ATF7IP: variants seen among roughly 807,000 people sequenced by gnomAD.
The protein encoded by ATF7IP is activating transcription factor 7 interacting protein, also known as activating transcription factor 7-interacting protein 1.
ATF7IP carries 23 observed loss-of-function variants against 106.4 expected under a neutral mutation model. That is an observed-to-expected ratio of 0.22 (90% CI 0.16 to 0.31). ATF7IP has a LOEUF of 0.31. ATF7IP is among the 10% of genes least tolerant of loss of function. The pLI is 1.00. For synonymous variants in ATF7IP, 542 were observed against 539.0 expected (o/e 1.01, Z -0.08); for missense variants, 1,334 against 1,524.3 (o/e 0.88, Z 2.08).
At chr12:14,467,815 A>G (rs550151429) in intron 10 of ATF7IP, among the ~76,000 whole-genome samples, 7 of 132,180 alleles carry the variant, frequency 5.3e-5, no homozygotes, top group African/African-American at 2.0e-4. Context: ...AGCTATTTAA[A>G]TTAAATTAAA....
At chr12:14,413,105 G>A (rs1374993487) in intron 1 of ATF7IP, among the ~76,000 whole-genome samples, 2 of 152,166 alleles carry the variant, frequency 1.3e-5, no homozygotes, top group Non-Finnish European at 2.9e-5. Flanking sequence ...ACTAGAAATG[G>A]TGAGGGCAGA....
chr12:14,396,624 T>C (rs868692190), intron 1 of ATF7IP, among the ~76,000 whole-genome samples: 9 of 152,280 alleles, frequency 5.9e-5, no homozygotes, highest in Admixed American at 1.3e-4. Context: ...CATACACATC[T>C]GAAACAGTAG....
At chr12:14,473,239 C>G (rs1944120677) in intron 10 of ATF7IP, among the ~76,000 whole-genome samples, 1 of 147,028 alleles carries the variant, frequency 6.8e-6, no homozygotes, top group Non-Finnish European at 1.5e-5. Context: ...TTTTTTAAAG[C>G]ATTCTGTCTT....
At chr12:14,385,843 G>A (rs1398156535) in intron 1 of ATF7IP, among the ~76,000 whole-genome samples, 1 of 151,710 alleles carries the variant, frequency 6.6e-6, no homozygotes, top group African/African-American at 2.4e-5. Context: ...AAGCTTTTTG[G>A]AAAGAAGGGT....
chr12:14,438,168 G>A lies in ATF7IP; in HGVS notation c.1830G>A (p.Leu610=). The change falls in exon 5 of 15, where the codon CTG becomes CTA. Residue 610 remains leucine, a synonymous_variant. Transcript: ENST00000261168. ...TGCTGGAAGAAAAATTGTGTGCGCT[G>A]CAGTGTGCTGTATTTGATAAGACTT... ...QWLLEEKLCA[L]QCAVFDKTLA... is the part of the protein sequence containing the mutation. The A allele has an allele frequency of 6.2e-7, 1 of 1,613,310 alleles. No individual in the cohort carries two copies.
chr12:14,423,786 C>G lies in ATF7IP; in HGVS notation c.-7-123C>G, dbSNP rs543211907. 1.8e-5 allele frequency: 19 copies of G among 1,081,878 alleles called. No individual in the cohort carries two copies. In the East Asian group the frequency reaches 3.9e-4, roughly 22 times the overall value. 67.0% of individuals were successfully genotyped at this position (1,081,878 alleles called of 1,614,324 possible). On this transcript the variant is annotated intron_variant, in intron 1 of 14. Coordinates refer to ENST00000261168, the MANE Select transcript of ATF7IP (RefSeq NM_018179.5). ...TAGTATACAACAAGCAGTAGGTTTT[C>G]TATGTCTTAAACATTACATGAAATG...
chr12:14,427,451 C>G (rs1941915254), intron 2 of ATF7IP, among the ~76,000 whole-genome samples: 1 of 152,106 alleles, frequency 6.6e-6, no homozygotes, highest in African/African-American at 2.4e-5. Flanking sequence ...CAACCTCCGC[C>G]TCCCGGGTTC....
chr12:14,470,501 A>G (rs1339496483), intron 10 of ATF7IP, among the ~76,000 whole-genome samples: 1 of 152,214 alleles, frequency 6.6e-6, no homozygotes, highest in Non-Finnish European at 1.5e-5. Flanking sequence ...ATGTATATGT[A>G]TACATGTCTC....
At chr12:14,453,918 C>T (rs1278749938) in intron 6 of ATF7IP, among the ~76,000 whole-genome samples, 1 of 152,180 alleles carries the variant, frequency 6.6e-6, no homozygotes, top group South Asian at 2.1e-4. Context: ...AGCCACCAGG[C>T]CTGGCCAGAG....
rs773514506 is a variant in ATF7IP, at chr12:14,423,983, G to A, written c.68G>A (p.Arg23His). The A allele has an allele frequency of 6.2e-7, 1 of 1,614,044 alleles. No homozygotes were observed. Among genetic ancestry groups the A allele is most frequent in the Admixed American group, 1.7e-5 (1 of 60,014 alleles). Reference protein sequence around the residue: ...KARKTMRVSDRQQLEAVYKVK... With the variant: ...KARKTMRVSDHQQLEAVYKVK... ...CGAAAAACGATGAGAGTGAGTGATC[G>A]TCAGCAACTTGAAGCAGTGTACAAG... is the stretch of plus-strand genomic sequence containing the variant. The change falls in exon 2 of 15, where the codon CGT becomes CAT. Residue 23 changes from arginine to histidine, a missense_variant. Coordinates refer to ENST00000261168, the MANE Select transcript of ATF7IP (RefSeq NM_018179.5).
intron 2 of ATF7IP, among the ~76,000 whole-genome samples, chr12:14,428,949 TA>T (rs1941998221): frequency 6.6e-6 from 1 of 152,208 alleles, no homozygotes; most frequent in African/African-American, 2.4e-5. Context: ...ATTAAAATGA[TA>T]ATCTGTTTAA....
At chr12:14,481,618 CAG>C (rs1422798039) in intron 13 of ATF7IP, 1 of 444,666 alleles carries the variant, frequency 2.2e-6, no homozygotes, top group Non-Finnish European at 4.5e-6. Context: ...GAGAGTTAAA[CAG>C]AGAAAATTGT....
intron 1 of ATF7IP, among the ~76,000 whole-genome samples, chr12:14,383,352 T>A (rs1208113659): frequency 6.6e-6 from 1 of 152,152 alleles, no homozygotes; most frequent in African/African-American, 2.4e-5. Context: ...GACAGTGTGT[T>A]CCATAATTTA....
At chr12:14,413,228 C>T (rs1941019917) in intron 1 of ATF7IP, among the ~76,000 whole-genome samples, 1 of 151,946 alleles carries the variant, frequency 6.6e-6, no homozygotes, top group Non-Finnish European at 1.5e-5. Context: ...CTCTTCTATT[C>T]TTAGTTGGTT....
chr12:14,439,187 A>T (rs1164266899), intron 5 of ATF7IP, among the ~76,000 whole-genome samples: 1 of 152,202 alleles, frequency 6.6e-6, no homozygotes, highest in Non-Finnish European at 1.5e-5. Flanking sequence ...GAATCAGTAC[A>T]TTCATTCTGT....
rs750711843 is a variant in ATF7IP at position 14,461,093 on chromosome 12, G to A, written c.2757G>A (p.Ser919=). Residue 919 remains serine, a synonymous_variant, in exon 9 of 15, where the codon TCG becomes TCA. Coordinates refer to ENST00000261168, the MANE Select transcript of ATF7IP (RefSeq NM_018179.5). ...TTCCAATTTCTGCATTTAGTACTTC[G>A]TCTGCTGCAGAACAGAACAGCAATA... The part of the protein sequence containing the change: ...MKIPISAFST[S]SAAEQNSNTT... 1.9e-5 allele frequency: 30 copies of A among 1,613,914 alleles called. No homozygotes were observed. The highest frequency in any genetic ancestry group is 8.9e-5 in the East Asian group (4 of 44,892).
intron 6 of ATF7IP, among the ~76,000 whole-genome samples, chr12:14,454,356 CTCTATCAAGTTGA>C (rs1156278779): frequency 2.6e-5 from 4 of 152,150 alleles, no homozygotes; most frequent in Non-Finnish European, 5.9e-5. Context: ...TTCTCTGGTG[CTCTATCAAGTTGA>C]GGGTCCTGCC....
rs1945127576 is a variant in ATF7IP at position 14,500,286 on chromosome 12, G to A, written c.*2213G>A. ...TTTTGACTGGTCAGTATACTGAGGT[G>A]TGAGATTTGATTCATGATGAAGAAA... is the stretch of plus-strand genomic sequence containing the variant. On this transcript the variant is annotated 3_prime_UTR_variant, in exon 15 of 15. Coordinates refer to ENST00000261168, the MANE Select transcript of ATF7IP (RefSeq NM_018179.5). 6.6e-6 allele frequency: 1 copy of A among 152,202 alleles called. No homozygotes were observed. Among genetic ancestry groups the A allele is most frequent in the South Asian group, 2.1e-4 (1 of 4,826 alleles). The allele number at this position is 152,202 out of a possible 1,614,324, so 9.4% of individuals were successfully genotyped here. A position where few individuals can be genotyped will look rare whatever the true frequency, so the allele number is the denominator to read the frequency against.
At chr12:14,441,580 C>G (rs1942704715) in intron 5 of ATF7IP, among the ~76,000 whole-genome samples, 1 of 149,280 alleles carries the variant, frequency 6.7e-6, no homozygotes, top group Non-Finnish European at 1.5e-5. Context: ...AGCTCTGCCT[C>G]CCGGGTTCAC....
Sources: gnomAD v4.1 joint callset for allele counts (sites outside exome capture counted in the v4.1 genomes callset) on GRCh38, gnomAD v4.1.1 for gene constraint, MANE v1.5 for transcripts, NCBI Gene and HGNC (gene_info 2026-07-23, HGNC 2026-07-21) for gene names.